RGS7: variants seen among roughly 807,000 people sequenced by gnomAD.
The protein encoded by RGS7 is regulator of G protein signaling 7, also known as regulator of G-protein signaling 7.
A neutral mutation model predicts 81.1 loss-of-function variants in RGS7; 27 were observed. The ratio of observed to expected loss-of-function variants is 0.33; its 90% CI spans 0.25 to 0.46. The LOEUF (loss-of-function observed/expected upper bound fraction) is 0.46, where lower values mean the gene tolerates loss of function less well. RGS7 is among the 20% of genes least tolerant of loss of function. The probability of loss-of-function intolerance (pLI) is 1.00; values close to 1 mark genes in which losing one functional copy is unlikely to be tolerated. For synonymous variants in RGS7, 208 were observed against 207.7 expected (o/e 1.00, Z -0.01); for missense variants, 396 against 607.4 (o/e 0.65, Z 3.66).
At chr1:241,051,205 A>G (rs1319506951) in intron 3 of RGS7, among the ~76,000 whole-genome samples, 1 of 152,180 alleles carries the variant, frequency 6.6e-6, no homozygotes, top group Non-Finnish European at 1.5e-5. Context: ...GAGACAGTGG[A>G]AGCTCAATGA....
At chr1:240,855,974 C>T (rs955555206) in intron 9 of RGS7, among the ~76,000 whole-genome samples, 1 of 151,930 alleles carries the variant, frequency 6.6e-6, no homozygotes, top group Non-Finnish European at 1.5e-5. Flanking sequence ...TTTTAATAGC[C>T]ATTTATATAT....
At chr1:241,316,172 C>G (rs1430525678) in intron 2 of RGS7, among the ~76,000 whole-genome samples, 1 of 152,154 alleles carries the variant, frequency 6.6e-6, no homozygotes, top group East Asian at 1.9e-4. Flanking sequence ...CACTATCTAC[C>G]TAGAGATAGT....
chr1:240,896,776 T>A (rs1433824775), intron 6 of RGS7, among the ~76,000 whole-genome samples: 1 of 152,238 alleles, frequency 6.6e-6, no homozygotes, highest in Non-Finnish European at 1.5e-5. Context: ...GGCTCTTTTT[T>A]GGTTCCATAT....
At chr1:241,329,453 C>G (rs1404545685) in intron 2 of RGS7, among the ~76,000 whole-genome samples, 1 of 152,098 alleles carries the variant, frequency 6.6e-6, no homozygotes, top group East Asian at 1.9e-4. Flanking sequence ...GCCTGGGAGT[C>G]TTCAGAGATG....
chr1:241,159,273 C>T (rs933344541), intron 2 of RGS7, among the ~76,000 whole-genome samples: 2 of 152,132 alleles, frequency 1.3e-5, no homozygotes, highest in African/African-American at 4.8e-5. Context: ...ATTACACACC[C>T]AATTTCACTG....
chr1:241,082,839 T>C (rs1466506933), intron 3 of RGS7, among the ~76,000 whole-genome samples: 2 of 152,200 alleles, frequency 1.3e-5, no homozygotes, highest in East Asian at 1.9e-4. Flanking sequence ...TGCCAAAATA[T>C]GTACAACTAT....
chr1:240,812,081 A>G (rs778559838), intron 13 of RGS7, 38 bp from the exon 14 acceptor site: 47 of 1,612,810 alleles, frequency 2.9e-5, no homozygotes, highest in Non-Finnish European at 4.0e-5. Context: ...CATTCCTTTC[A>G]TTAGAATTCC....
intron 3 of RGS7, among the ~76,000 whole-genome samples, chr1:241,065,458 T>C (rs2062006704): frequency 6.6e-6 from 1 of 152,056 alleles, no homozygotes. Flanking sequence ...TCTTAAATGC[T>C]CTTCTTAAGA....
At chr1:241,183,583 C>T (rs1005146709) in intron 2 of RGS7, among the ~76,000 whole-genome samples, 10 of 152,130 alleles carry the variant, frequency 6.6e-5, no homozygotes, top group Middle Eastern at 3.2e-3. Flanking sequence ...GTCTCCTGTG[C>T]GGAAAAGTCA....
intron 2 of RGS7, among the ~76,000 whole-genome samples, chr1:241,233,173 T>G (rs2075759524): frequency 6.6e-6 from 1 of 152,214 alleles, no homozygotes; most frequent in African/African-American, 2.4e-5. Context: ...ATTTACATAA[T>G]CAAATCAAGG....
chr1:241,206,020 GC>G (rs35364115), intron 2 of RGS7, among the ~76,000 whole-genome samples: 1 of 149,118 alleles, frequency 6.7e-6, no homozygotes, highest in Non-Finnish European at 1.5e-5. Context: ...TTACATTTAT[GC>G]CCCCATGTTT....
chr1:241,197,774 A>G (rs1183831147), intron 2 of RGS7, among the ~76,000 whole-genome samples: 1 of 151,566 alleles, frequency 6.6e-6, no homozygotes, highest in African/African-American at 2.4e-5. Flanking sequence ...TTCCATACAT[A>G]TACTTATTAA....
chr1:241,037,758 T>A (rs1290454275), intron 3 of RGS7, among the ~76,000 whole-genome samples: 1 of 149,630 alleles, frequency 6.7e-6, no homozygotes, highest in Non-Finnish European at 1.5e-5. Flanking sequence ...AAATGTGGTA[T>A]ATGTACACCG....
intron 2 of RGS7, among the ~76,000 whole-genome samples, chr1:241,242,306 G>GTAGATAGATAGATAGATAGATAGATAGA (rs58976335): frequency 6.8e-6 from 1 of 147,442 alleles, no homozygotes; most frequent in Admixed American, 6.8e-5. Flanking sequence ...CTATGGATGA[G>GTAGATAGATAGATAGATAGATAGATAGA]TAGATAGATA....
At chr1:241,276,124 T>C (rs2078182127) in intron 2 of RGS7, among the ~76,000 whole-genome samples, 1 of 152,228 alleles carries the variant, frequency 6.6e-6, no homozygotes, top group Non-Finnish European at 1.5e-5. Flanking sequence ...TTAACGTTTG[T>C]GTTGGTAGTG....
intron 2 of RGS7, among the ~76,000 whole-genome samples, chr1:241,112,132 C>A (rs958238391): frequency 9.2e-5 from 14 of 152,096 alleles, no homozygotes; most frequent in African/African-American, 3.1e-4. Context: ...CAAGAGAAAG[C>A]ACTACTCTGC....
intron 3 of RGS7, among the ~76,000 whole-genome samples, chr1:241,089,993 C>CAAA (rs10716500): frequency 0.17 from 15,346 of 92,618 alleles, 1,162 homozygotes; most frequent in African/African-American, 0.19. Context: ...GACTCCATCT[C>CAAA]AAAAAAAAAA....
At chr1:241,076,362 C>G (rs1241497659) in intron 3 of RGS7, among the ~76,000 whole-genome samples, 1 of 152,166 alleles carries the variant, frequency 6.6e-6, no homozygotes, top group Non-Finnish European at 1.5e-5. Context: ...TAATGATAAA[C>G]TGTCTTACAT....
intron 3 of RGS7, among the ~76,000 whole-genome samples, chr1:241,037,225 T>C (rs1445145984): frequency 2.0e-5 from 3 of 152,124 alleles, no homozygotes; most frequent in African/African-American, 7.2e-5. Flanking sequence ...AAGATAGAGA[T>C]GTGTTATTTG....
Sources: allele counts gnomAD v4.1 joint callset (sites outside exome capture counted in the v4.1 genomes callset), GRCh38; gene constraint gnomAD v4.1.1; transcripts MANE v1.5; gene names NCBI Gene and HGNC (gene_info 2026-07-23, HGNC 2026-07-21).